The following NRXN3 variants were observed in gnomAD, a reference collection of about 807,000 sequenced individuals.
The protein encoded by NRXN3 is neurexin 3.
In NRXN3, 32 loss-of-function variants were observed where a neutral mutation model predicts 137.6. The observed-to-expected ratio is 0.23, with a 90% CI of 0.18 to 0.31. NRXN3 has a LOEUF of 0.31. Ranked by LOEUF, NRXN3 falls within the 10% of genes least tolerant of loss-of-function variation. The pLI, the probability that NRXN3 is intolerant of heterozygous loss-of-function variation, is 1.00. For missense variants in NRXN3, 1,574 were observed against 2,062.5 expected, an observed-to-expected ratio of 0.76 and a Z score of 4.59; for synonymous variants, 798 against 784.5, an observed-to-expected ratio of 1.02 and a Z score of -0.29.
At chr14:78,652,750 G>A (rs2097756914) in intron 6 of NRXN3, among the ~76,000 whole-genome samples, 1 of 152,254 alleles carries the variant, frequency 6.6e-6, no homozygotes, top group South Asian at 2.1e-4. Context: ...CATAGTAGAT[G>A]CATAATAAGG....
At chr14:78,227,434 G>T (rs1350952921) in intron 1 of NRXN3, among the ~76,000 whole-genome samples, 3 of 152,134 alleles carry the variant, frequency 2.0e-5, no homozygotes, top group Non-Finnish European at 4.4e-5. Flanking sequence ...TTCTAATCAG[G>T]CTTATGAGAT....
chr14:79,621,144 T>C (rs892697742), intron 16 of NRXN3, among the ~76,000 whole-genome samples: 2 of 152,148 alleles, frequency 1.3e-5, no homozygotes, highest in African/African-American at 4.8e-5. Flanking sequence ...TTATGAGGTA[T>C]TTTTGTGAAT....
intron 8 of NRXN3, among the ~76,000 whole-genome samples, chr14:78,802,349 C>T (rs1219170003): frequency 6.6e-6 from 1 of 152,018 alleles, no homozygotes; most frequent in Non-Finnish European, 1.5e-5. Flanking sequence ...CACATGGACA[C>T]AGGAAGGGGA....
chr14:79,667,024 T>C (rs537765873), intron 17 of NRXN3, among the ~76,000 whole-genome samples: 67 of 152,004 alleles, frequency 4.4e-4, no homozygotes, highest in Non-Finnish European at 7.7e-4. Context: ...GATACCTTAT[T>C]TTCTCTCCTC....
chr14:78,606,026 A>G (rs1046416786), intron 4 of NRXN3, among the ~76,000 whole-genome samples: 16 of 152,164 alleles, frequency 1.1e-4, no homozygotes, highest in African/African-American at 2.9e-4. Context: ...CAAGCAGCAC[A>G]AGAATTTGAG....
intron 15 of NRXN3, among the ~76,000 whole-genome samples, chr14:79,465,323 T>C (rs2096406936): frequency 6.6e-6 from 1 of 152,222 alleles, no homozygotes; most frequent in Non-Finnish European, 1.5e-5. Flanking sequence ...GAATTAATCA[T>C]AGACTTTGCA....
intron 15 of NRXN3, among the ~76,000 whole-genome samples, chr14:79,418,067 G>T (rs1025169976): frequency 4.6e-5 from 7 of 151,944 alleles, no homozygotes; most frequent in Non-Finnish European, 1.0e-4. Flanking sequence ...GTTAAACCAA[G>T]ACTAAAGATA....
intron 4 of NRXN3, among the ~76,000 whole-genome samples, chr14:78,399,690 G>A (rs1235946675): frequency 1.3e-5 from 2 of 152,182 alleles, no homozygotes; most frequent in Non-Finnish European, 2.9e-5. Flanking sequence ...AATAACTAGT[G>A]ATGCATTGGC....
intron 19 of NRXN3, among the ~76,000 whole-genome samples, chr14:79,742,343 T>C (rs946219995): frequency 6.6e-6 from 1 of 152,208 alleles, no homozygotes; most frequent in African/African-American, 2.4e-5. Flanking sequence ...ATTACCTCGA[T>C]TCATTTGCTG....
At chr14:78,266,518 T>C (rs1337242684) in intron 2 of NRXN3, among the ~76,000 whole-genome samples, 2 of 152,266 alleles carry the variant, frequency 1.3e-5, no homozygotes, top group South Asian at 4.1e-4. Context: ...AGGATGGTCT[T>C]GATCTCCTGA....
At chr14:78,808,188 G>T (rs1289267462) in intron 9 of NRXN3, among the ~76,000 whole-genome samples, 2 of 152,072 alleles carry the variant, frequency 1.3e-5, no homozygotes, top group African/African-American at 4.8e-5. Context: ...ACATATTGAG[G>T]TAAAGTAAAC....
chr14:78,951,672 A>G (rs1284987986), intron 10 of NRXN3, among the ~76,000 whole-genome samples: 4 of 152,162 alleles, frequency 2.6e-5, no homozygotes, highest in African/African-American at 9.7e-5. Flanking sequence ...ACTGTAAACC[A>G]TGTAAGGCAG....
At chr14:78,471,325 CACACACA>C (rs1567684838) in intron 4 of NRXN3, among the ~76,000 whole-genome samples, 58 of 84,494 alleles carry the variant, frequency 6.9e-4, no homozygotes, top group African/African-American at 2.5e-3. Context: ...CACACACACA[CACACACA>C]CCCCCAAGAA....
At chr14:79,779,972 C>A (rs1388371745) in intron 19 of NRXN3, among the ~76,000 whole-genome samples, 2 of 152,132 alleles carry the variant, frequency 1.3e-5, no homozygotes, top group African/African-American at 2.4e-5. Context: ...TCAAGCAATT[C>A]TCCTGCCTCA....
At chr14:79,824,218 C>T (rs1458665667) in intron 20 of NRXN3, among the ~76,000 whole-genome samples, 6 of 152,190 alleles carry the variant, frequency 3.9e-5, no homozygotes, top group Non-Finnish European at 8.8e-5. Flanking sequence ...TCTTCTGTCT[C>T]TCCCTCGATA....
At chr14:78,736,512 A>G (rs962996067) in intron 8 of NRXN3, among the ~76,000 whole-genome samples, 13 of 152,316 alleles carry the variant, frequency 8.5e-5, no homozygotes, top group African/African-American at 2.4e-4. Context: ...ATTGCACAAC[A>G]TGCTTAAAGG....
intron 10 of NRXN3, among the ~76,000 whole-genome samples, chr14:78,900,254 C>T (rs1302570416): frequency 6.6e-6 from 1 of 151,628 alleles, no homozygotes; most frequent in Non-Finnish European, 1.5e-5. Context: ...TAAAGAGGGC[C>T]CTTAGCTTGT....
chr14:79,472,164 A>C (rs2096518261), intron 16 of NRXN3, among the ~76,000 whole-genome samples: 1 of 152,220 alleles, frequency 6.6e-6, no homozygotes, highest in Non-Finnish European at 1.5e-5. Context: ...CCTGCAAAGA[A>C]CATGATTTCA....
At chr14:79,532,575 G>A (rs771342797) in intron 16 of NRXN3, among the ~76,000 whole-genome samples, 12 of 152,096 alleles carry the variant, frequency 7.9e-5, no homozygotes, top group Non-Finnish European at 1.2e-4. Flanking sequence ...CAGTTGTTAC[G>A]ACGGCTTACT....
Sources: gnomAD v4.1 joint callset for allele counts (sites outside exome capture counted in the v4.1 genomes callset) on GRCh38, gnomAD v4.1.1 for gene constraint, MANE v1.5 for transcripts, NCBI Gene and HGNC (gene_info 2026-07-23, HGNC 2026-07-21) for gene names.